Variants in PDE4D observed in about 807,000 individuals in gnomAD.
PDE4D encodes the protein phosphodiesterase 4D, also known as 3',5'-cyclic-AMP phosphodiesterase 4D.
Under a neutral mutation model 87.4 loss-of-function variants are expected in PDE4D, and 24 were observed. The ratio of observed to expected loss-of-function variants is 0.27; its 90% CI spans 0.20 to 0.39. The LOEUF is 0.39. Among genes scored for constraint, PDE4D ranks in the 10% least tolerant of loss-of-function variants. PDE4D has a pLI of 1.00. For synonymous variants in PDE4D, 384 were observed against 383.2 expected (o/e 1.00, Z -0.02); for missense variants, 714 against 1,041.0 (o/e 0.69, Z 4.32).
intron 1 of PDE4D, among the ~76,000 whole-genome samples, chr5:60,368,271 T>A (rs6895769): frequency 6.6e-6 from 1 of 152,170 alleles, no homozygotes; most frequent in Admixed American, 6.5e-5. Flanking sequence ...TCAGCAACAA[T>A]GTTAGAAAGG....
chr5:59,751,243 C>T (rs1296612303), intron 1 of PDE4D, among the ~76,000 whole-genome samples: 1 of 152,118 alleles, frequency 6.6e-6, no homozygotes, highest in Non-Finnish European at 1.5e-5. Flanking sequence ...GCACAGTCCT[C>T]ACGTAAATAA....
intron 5 of PDE4D, chr5:59,157,046 G>T (rs150998748): frequency 1.3e-5 from 4 of 313,794 alleles, no homozygotes; most frequent in Non-Finnish European, 1.7e-5. Context: ...AAAGCCACAT[G>T]TATGTTGTTT....
intron 1 of PDE4D, among the ~76,000 whole-genome samples, chr5:59,763,883 G>A (rs534433715): frequency 3.9e-5 from 6 of 152,274 alleles, no homozygotes; most frequent in African/African-American, 1.4e-4. Context: ...ATACTAGCTA[G>A]TGATAAAACT....
chr5:60,327,005 T>G (rs986391590), intron 1 of PDE4D, among the ~76,000 whole-genome samples: 21 of 152,154 alleles, frequency 1.4e-4, no homozygotes, highest in Non-Finnish European at 2.1e-4. Context: ...GTTATTACAA[T>G]TTCTTTATCC....
chr5:59,052,147 T>C (rs1034948082), intron 5 of PDE4D, among the ~76,000 whole-genome samples: 2 of 152,150 alleles, frequency 1.3e-5, no homozygotes, highest in African/African-American at 4.8e-5. Flanking sequence ...TAAGGTAGCA[T>C]ATAAATCATT....
intron 3 of PDE4D, among the ~76,000 whole-genome samples, chr5:59,911,046 C>A (rs147967303): frequency 0.015 from 2,273 of 152,304 alleles, 24 homozygotes; most frequent in Non-Finnish European, 0.024. Flanking sequence ...TGGGCATAGG[C>A]CAAACTAACT....
chr5:59,254,254 G>A (rs1429405792), intron 1 of PDE4D, among the ~76,000 whole-genome samples: 1 of 151,994 alleles, frequency 6.6e-6, no homozygotes, highest in African/African-American at 2.4e-5. Context: ...TTAATGATTA[G>A]TTCACATACC....
chr5:60,155,120 AATT>A (rs1228749646), intron 2 of PDE4D, among the ~76,000 whole-genome samples: 1 of 152,178 alleles, frequency 6.6e-6, no homozygotes, highest in Non-Finnish European at 1.5e-5. Flanking sequence ...CTAGGACTAG[AATT>A]ACTGGGTCAT....
At chr5:60,337,240 G>A (rs1432825996) in intron 1 of PDE4D, among the ~76,000 whole-genome samples, 1 of 150,414 alleles carries the variant, frequency 6.6e-6, no homozygotes, top group Non-Finnish European at 1.5e-5. Flanking sequence ...GGCTGAGGCA[G>A]GAGAATCACT....
chr5:59,705,441 G>C (rs1013503895), intron 1 of PDE4D, among the ~76,000 whole-genome samples: 1 of 152,014 alleles, frequency 6.6e-6, no homozygotes, highest in Non-Finnish European at 1.5e-5. Context: ...ACATAGGAAA[G>C]AGCCTCTTAT....
At chr5:59,488,124 G>A (rs1295523247) in intron 1 of PDE4D, among the ~76,000 whole-genome samples, 1 of 143,712 alleles carries the variant, frequency 7.0e-6, no homozygotes, top group Non-Finnish European at 1.5e-5. Context: ...TTTACCCGTG[G>A]AGACAGACAT....
At chr5:59,339,715 G>C (rs1455037741) in intron 1 of PDE4D, among the ~76,000 whole-genome samples, 2 of 152,150 alleles carry the variant, frequency 1.3e-5, no homozygotes, top group East Asian at 3.9e-4. Context: ...GCTCAGAGGA[G>C]CTGTGCGTCC....
chr5:60,279,613 A>C (rs1751694005), intron 1 of PDE4D, among the ~76,000 whole-genome samples: 1 of 151,902 alleles, frequency 6.6e-6, no homozygotes, highest in African/African-American at 2.4e-5. Context: ...CTTTAATTAT[A>C]GAAAGCATGC....
chr5:59,513,103 C>A (rs1430652026), intron 1 of PDE4D, among the ~76,000 whole-genome samples: 1 of 151,976 alleles, frequency 6.6e-6, no homozygotes, highest in Non-Finnish European at 1.5e-5. Flanking sequence ...GTTTTTCATG[C>A]CGCTATCTTT....
At chr5:59,123,180 G>A (rs1276379437) in intron 5 of PDE4D, among the ~76,000 whole-genome samples, 1 of 152,120 alleles carries the variant, frequency 6.6e-6, no homozygotes, top group East Asian at 1.9e-4. Context: ...ATCAATCAAC[G>A]AGAATTCTCG....
chr5:59,988,362 T>C, intron 3 of PDE4D: 1 of 531,448 alleles, frequency 1.9e-6, no homozygotes, highest in Non-Finnish European at 3.3e-6. Flanking sequence ...CCTTTTTTTT[T>C]TGACTCTAGA....
At chr5:60,436,615 C>A (rs1744776928) in intron 1 of PDE4D, among the ~76,000 whole-genome samples, 1 of 152,020 alleles carries the variant, frequency 6.6e-6, no homozygotes, top group Admixed American at 6.6e-5. Context: ...CCTTCCACAC[C>A]CTTTAGAATT....
At chr5:59,226,696 C>G (rs1753845186) in intron 1 of PDE4D, among the ~76,000 whole-genome samples, 1 of 151,950 alleles carries the variant, frequency 6.6e-6, no homozygotes, top group South Asian at 2.1e-4. Context: ...CTCAAATGGC[C>G]CTAACATGAG....
intron 5 of PDE4D, among the ~76,000 whole-genome samples, chr5:59,127,491 C>G (rs984770137): frequency 2.6e-5 from 4 of 151,754 alleles, no homozygotes; most frequent in African/African-American, 9.7e-5. Context: ...TGTGAGTGAG[C>G]GGGCGTGTGC....
Sources: allele counts gnomAD v4.1 joint callset (sites outside exome capture counted in the v4.1 genomes callset), GRCh38; gene constraint gnomAD v4.1.1; transcripts MANE v1.5; gene names NCBI Gene and HGNC (gene_info 2026-07-23, HGNC 2026-07-21).